HACL1: variants seen among roughly 807,000 people sequenced by gnomAD.
HACL1 encodes the protein 1600020H07Rik.
In HACL1, 64 loss-of-function variants were observed where a neutral mutation model predicts 74.2. The observed-to-expected ratio is 0.86, with a 90% CI of 0.70 to 1.06. The LOEUF is 1.06. Among genes scored for constraint, HACL1 ranks in the 50% least tolerant of loss-of-function variants. HACL1 has a pLI of 0.00. For synonymous variants in HACL1, 230 were observed against 238.8 expected, an observed-to-expected ratio of 0.96 and a Z score of 0.34; for missense variants, 728 against 719.7, an observed-to-expected ratio of 1.01 and a Z score of -0.13.
intron 16 of HACL1, among the ~76,000 whole-genome samples, chr3:15,562,104 T>C (rs950533779): frequency 1.3e-5 from 2 of 152,206 alleles, no homozygotes; most frequent in African/African-American, 4.8e-5. Context: ...AACCTAGTTA[T>C]AAATCCATAA....
At chr3:15,594,327 A>C (rs898307911) in intron 3 of HACL1, among the ~76,000 whole-genome samples, 2 of 152,120 alleles carry the variant, frequency 1.3e-5, no homozygotes, top group Non-Finnish European at 2.9e-5. Flanking sequence ...AATCGCTGGA[A>C]CCTGGGAGGT....
At chr3:15,600,514 A>G (rs1179001818) in intron 2 of HACL1, among the ~76,000 whole-genome samples, 2 of 152,256 alleles carry the variant, frequency 1.3e-5, no homozygotes, top group Non-Finnish European at 2.9e-5. Context: ...GAAAGGTGGC[A>G]GCATGATGTG....
At chr3:15,572,831 C>T (rs973221203) in intron 11 of HACL1, among the ~76,000 whole-genome samples, 1 of 152,324 alleles carries the variant, frequency 6.6e-6, no homozygotes. Flanking sequence ...GCAGTAAGTT[C>T]AGTTCCTTTG....
At chr3:15,599,099 C>G in intron 2 of HACL1, among the ~76,000 whole-genome samples, 1 of 152,224 alleles carries the variant, frequency 6.6e-6, no homozygotes, top group Non-Finnish European at 1.5e-5. Flanking sequence ...GGAAGCTGAG[C>G]CTGGGTACTC....
At chr3:15,570,064 C>A (rs1222495825) in intron 12 of HACL1, among the ~76,000 whole-genome samples, 1 of 151,346 alleles carries the variant, frequency 6.6e-6, no homozygotes, top group African/African-American at 2.4e-5. Flanking sequence ...AGGCCAGGCA[C>A]GGTGGCTCAT....
Position 15,568,770 on chromosome 3 carries a change from T to C in HACL1, c.1096-184A>G, listed in dbSNP as rs140540469. Among the ~76,000 whole-genome samples, 1,384 of 152,346 alleles carry C rather than the reference T, an allele frequency of 9.1e-3. 23 individuals carry two copies. Among genetic ancestry groups the C allele is most frequent in the African/African-American group, 0.031 (1,296 of 41,586 alleles). On this transcript the variant is annotated intron_variant, in intron 12 of 16. Transcript: ENST00000321169. Reference sequence around the variant, plus strand: ...CCTGTGAACAGCCCTGGGGGACATGTGTACCACAGTCCCAGTTGGGAACAC... The same window carrying C: ...CCTGTGAACAGCCCTGGGGGACATGCGTACCACAGTCCCAGTTGGGAACAC...
intron 3 of HACL1, among the ~76,000 whole-genome samples, chr3:15,594,198 A>G (rs928718122): frequency 8.5e-5 from 13 of 152,128 alleles, no homozygotes; most frequent in Non-Finnish European, 1.8e-4. Flanking sequence ...ACTTGAGTCT[A>G]GGAGTTCAAG....
intron 3 of HACL1, among the ~76,000 whole-genome samples, chr3:15,595,512 T>C (rs1173183303): frequency 2.0e-5 from 3 of 152,042 alleles, no homozygotes; most frequent in Non-Finnish European, 4.4e-5. Flanking sequence ...CAAATTCTGC[T>C]TAAAAAATAC....
chr3:15,594,124 G>A (rs1391330917), intron 3 of HACL1, among the ~76,000 whole-genome samples: 3 of 152,166 alleles, frequency 2.0e-5, no homozygotes, highest in Non-Finnish European at 4.4e-5. Flanking sequence ...AACTGAATTT[G>A]AGGCTGAGCA....
At chr3:15,586,278 T>C (rs142957844) in intron 6 of HACL1, among the ~76,000 whole-genome samples, 160 of 152,298 alleles carry the variant, frequency 1.1e-3, no homozygotes, top group Admixed American at 2.7e-3. Context: ...TTTGTATAAT[T>C]AAAAAGGTAA....
At chr3:15,562,285 CCTG>C (rs1370968218) in intron 16 of HACL1, among the ~76,000 whole-genome samples, 1 of 152,160 alleles carries the variant, frequency 6.6e-6, no homozygotes, top group Non-Finnish European at 1.5e-5. Flanking sequence ...CACAGAAATC[CCTG>C]CTAATGCCCC....
In HACL1 at chr3:15,596,397, A is replaced by G. The variant is rs555682297; in HGVS notation, c.214T>C (p.Tyr72His). 58 of 1,594,970 alleles carry G rather than the reference A, an allele frequency of 3.6e-5. No homozygotes were observed. The African/African-American group carries it at 4.0e-4, about 11-fold the overall frequency. Residue 72 changes from tyrosine (Y) to histidine (H), a missense_variant, in exon 3 of 17, where the codon TAT becomes CAT. Transcript: ENST00000321169. ...AACYAASAIG[Y>H]LTSRPGVCLV... ...ATTTTAGTTTACCTGCTTGTCAGATATCCAATCGCGGAGGCAGCATAACAA... is the reference window on the plus strand; with the variant it reads ...ATTTTAGTTTACCTGCTTGTCAGATGTCCAATCGCGGAGGCAGCATAACAA...
rs543923778 is a variant in HACL1, at chr3:15,569,271, G to C, written c.1096-685C>G. Among the ~76,000 whole-genome samples, 239 of 152,194 alleles carry C rather than the reference G, an allele frequency of 1.6e-3. 1 individual carries two copies. Among genetic ancestry groups the C allele is most frequent in the African/African-American group, 5.3e-3 (222 of 41,528 alleles). ...TTGTTCTGCTGGAGATTATACACAA[G>C]GTAAAGAGGGACCCTCCTATACTCC... On this transcript the variant is annotated intron_variant, in intron 12 of 16. Transcript: ENST00000321169.
rs747505626 is a variant in HACL1 at position 15,579,857 on chromosome 3, A to T, written c.803+53T>A. 3 of 1,315,118 alleles carry T rather than the reference A, an allele frequency of 2.3e-6. No homozygotes were observed. In the East Asian group the frequency reaches 7.6e-5, roughly 33 times the overall value. The allele number at this position is 1,315,118 out of a possible 1,614,324, so 81.5% of individuals were successfully genotyped here. A position where few individuals can be genotyped will look rare whatever the true frequency, so the allele number is the denominator to read the frequency against. ...AGATGAAGATCACAAAATAATTTAA[A>T]TTAGCCTAAAATCTACCAAGCCATT... On this transcript the variant is annotated intron_variant, in intron 9 of 16. Coordinates refer to ENST00000321169, the MANE Select transcript of HACL1 (RefSeq NM_012260.4).
chr3:15,581,484 T>C (rs899602950), intron 8 of HACL1, among the ~76,000 whole-genome samples: 2 of 152,256 alleles, frequency 1.3e-5, no homozygotes, highest in Non-Finnish European at 2.9e-5. Flanking sequence ...CATACATGTA[T>C]GATGAAAAAT....
Position 15,568,014 on chromosome 3 carries a change from C to T in HACL1, c.1251-12G>A. 6.2e-7 allele frequency: 1 copy of T among 1,613,752 alleles called. No homozygotes were observed. The highest frequency in any genetic ancestry group is 8.5e-7 in the Non-Finnish European group (1 of 1,179,728). Reference sequence around the variant, plus strand: ...TACCAGCATCAAGCCTGTTGGAGAACAAAGTTAAAATGAAACCCTCTGGGG... The same window carrying T: ...TACCAGCATCAAGCCTGTTGGAGAATAAAGTTAAAATGAAACCCTCTGGGG... On this transcript the variant is annotated splice_polypyrimidine_tract_variant and intron_variant, in intron 13 of 16. Coordinates refer to ENST00000321169, the MANE Select transcript of HACL1 (RefSeq NM_012260.4).
chr3:15,599,299 G>T (rs925567436), intron 2 of HACL1, among the ~76,000 whole-genome samples: 1 of 152,140 alleles, frequency 6.6e-6, no homozygotes, highest in African/African-American at 2.4e-5. Context: ...AGCTTATAGG[G>T]GCTGAAATAA....
At chr3:15,570,418 G>A (rs2063506563) in intron 12 of HACL1, among the ~76,000 whole-genome samples, 1 of 151,508 alleles carries the variant, frequency 6.6e-6, no homozygotes, top group Non-Finnish European at 1.5e-5. Flanking sequence ...GCGAAAATGT[G>A]AATTTATTCT....
Position 15,580,040 on chromosome 3 carries a change from C to CAGCACCT in HACL1, c.668-2_672dup (p.Ala225ArgfsTer19). ...ATACTCTCTTCTGCATGAGCGTAAGCAGCACCTATAAGAAATGCAAATGTA... is the reference window on the plus strand; with the variant it reads ...ATACTCTCTTCTGCATGAGCGTAAGCAGCACCTAGCACCTATAAGAAATGCAAATGTA... On this transcript the variant is annotated frameshift_variant, in exon 9 of 17. Transcript: ENST00000321169. LOFTEE classifies it high-confidence loss of function. The CAGCACCT allele has an allele frequency of 6.2e-7, 1 of 1,611,998 alleles. No homozygotes were observed. The highest frequency in any genetic ancestry group is 8.5e-7 in the Non-Finnish European group (1 of 1,178,414).
Sources: allele counts gnomAD v4.1 joint callset (sites outside exome capture counted in the v4.1 genomes callset), GRCh38; gene constraint gnomAD v4.1.1; transcripts MANE v1.5; gene names NCBI Gene and HGNC (gene_info 2026-07-23, HGNC 2026-07-21).